The following FARS2 variants were observed in gnomAD, a reference collection of about 807,000 sequenced individuals.
FARS2 encodes phenylalanine--tRNA ligase, mitochondrial.
FARS2 carries 40 observed loss-of-function variants against 46.4 expected under a neutral mutation model. That is an observed-to-expected ratio of 0.86 (90% CI 0.67 to 1.12). The LOEUF (loss-of-function observed/expected upper bound fraction) is 1.12, where lower values mean the gene tolerates loss of function less well. Among genes scored for constraint, FARS2 ranks in the 50% most tolerant of loss-of-function variants. The probability of loss-of-function intolerance (pLI) is 0.00; values close to 1 mark genes in which losing one functional copy is unlikely to be tolerated. For missense variants in FARS2, 513 were observed against 567.9 expected, an observed-to-expected ratio of 0.90 and a Z score of 0.98; for synonymous variants, 234 against 214.9, an observed-to-expected ratio of 1.09 and a Z score of -0.78.
chr6:5,575,107 A>G, intron 5 of FARS2, among the ~76,000 whole-genome samples: 1 of 152,226 alleles, frequency 6.6e-6, no homozygotes, highest in Non-Finnish European at 1.5e-5. Context: ...GACACATCAC[A>G]GCCTTCTTGG....
intron 1 of FARS2, among the ~76,000 whole-genome samples, chr6:5,268,729 A>G (rs1581652023): frequency 6.6e-6 from 1 of 152,140 alleles, no homozygotes; most frequent in Non-Finnish European, 1.5e-5. Flanking sequence ...GTTTTTTCCA[A>G]TTCTGTGAAG....
chr6:5,752,924 G>A (rs1282568291), intron 6 of FARS2, among the ~76,000 whole-genome samples: 1 of 152,118 alleles, frequency 6.6e-6, no homozygotes, highest in East Asian at 1.9e-4. Context: ...GGACAGTGTG[G>A]TGTCCGGAGA....
intron 4 of FARS2, among the ~76,000 whole-genome samples, chr6:5,493,514 A>C (rs900008663): frequency 3.9e-5 from 6 of 152,176 alleles, no homozygotes; most frequent in Non-Finnish European, 8.8e-5. Context: ...GAGGAATGGA[A>C]AGTCAAAGTC....
At chr6:5,663,992 AC>A (rs1777979300) in intron 6 of FARS2, among the ~76,000 whole-genome samples, 1 of 152,202 alleles carries the variant, frequency 6.6e-6, no homozygotes, top group Non-Finnish European at 1.5e-5. Flanking sequence ...GGCTGTGTTC[AC>A]AGCTCAGATC....
chr6:5,458,018 C>T (rs1490629057), intron 4 of FARS2: 3 of 152,420 alleles, frequency 2.0e-5, no homozygotes, highest in African/African-American at 7.2e-5. Flanking sequence ...CATTGGATCG[C>T]TCTTGTGTGG....
In FARS2 at chr6:5,482,868, T is replaced by C. The variant is rs76238355; in HGVS notation, c.904+51696T>C. 5.6e-3 allele frequency among the ~76,000 whole-genome samples: 858 copies of C among 152,342 alleles called. 11 individuals are homozygous for C. Among genetic ancestry groups the C allele is most frequent in the African/African-American group, 0.02 (819 of 41,576 alleles). Reference sequence around the variant, plus strand: ...TGGGAAAATCGTGCATGTTCTCATTTGTAAAGAAGCCTGCCTTGGGTGTAC... The same window carrying C: ...TGGGAAAATCGTGCATGTTCTCATTCGTAAAGAAGCCTGCCTTGGGTGTAC... On this transcript the variant is annotated intron_variant, in intron 4 of 6. Coordinates refer to ENST00000274680, the MANE Select transcript of FARS2 (RefSeq NM_006567.5).
At chr6:5,725,414 G>C (rs1462433893) in intron 6 of FARS2, among the ~76,000 whole-genome samples, 1 of 152,214 alleles carries the variant, frequency 6.6e-6, no homozygotes, top group Non-Finnish European at 1.5e-5. Flanking sequence ...AGTTAGGTCT[G>C]AGTTTTGAGG....
At chr6:5,457,262 A>G (rs1264104350) in intron 4 of FARS2, among the ~76,000 whole-genome samples, 5 of 151,668 alleles carry the variant, frequency 3.3e-5, no homozygotes, top group South Asian at 2.1e-4. Context: ...TCCCACCCCT[A>G]TGGTCAGGGG....
At chr6:5,657,192 G>GA (rs1777643751) in intron 6 of FARS2, among the ~76,000 whole-genome samples, 1 of 151,886 alleles carries the variant, frequency 6.6e-6, no homozygotes. Context: ...TGTGTATTTA[G>GA]AAAAAATAAT....
At chr6:5,691,509 T>C (rs1211421658) in intron 6 of FARS2, among the ~76,000 whole-genome samples, 1 of 152,228 alleles carries the variant, frequency 6.6e-6, no homozygotes, top group Non-Finnish European at 1.5e-5. Context: ...CAGCGGATAC[T>C]GGTGAACAGC....
chr6:5,488,336 A>G (rs1392833682), intron 4 of FARS2, among the ~76,000 whole-genome samples: 1 of 152,224 alleles, frequency 6.6e-6, no homozygotes, highest in African/African-American at 2.4e-5. Context: ...CTGGTTCTAT[A>G]TATATGAAGT....
chr6:5,624,956 A>G (rs1176582907), intron 6 of FARS2, among the ~76,000 whole-genome samples: 1 of 152,066 alleles, frequency 6.6e-6, no homozygotes, highest in Non-Finnish European at 1.5e-5. Context: ...CAGAGCCAGC[A>G]TGGGAGTCTG....
At chr6:5,607,281 ATGTATGTGTGTGTGTGTGTGTGTGTG>A (rs1274933459) in intron 5 of FARS2, among the ~76,000 whole-genome samples, 15 of 147,502 alleles carry the variant, frequency 1.0e-4, no homozygotes, top group Admixed American at 4.7e-4. Context: ...AAAGAATAAT[ATGTATGTGTGTGTGTGTGTGTGTGTG>A]TGTGTGTGTG....
intron 6 of FARS2, among the ~76,000 whole-genome samples, chr6:5,621,620 T>C (rs1156323077): frequency 6.6e-6 from 1 of 152,150 alleles, no homozygotes; most frequent in Non-Finnish European, 1.5e-5. Flanking sequence ...GGAAACCGAA[T>C]AGCAAGCTGT....
intron 5 of FARS2, among the ~76,000 whole-genome samples, chr6:5,555,487 A>G (rs1771605804): frequency 6.6e-6 from 1 of 152,106 alleles, no homozygotes; most frequent in Non-Finnish European, 1.5e-5. Context: ...GAATTGTATT[A>G]GGCCTTGAGC....
chr6:5,431,203 G>C, intron 4 of FARS2, 31 bp downstream of exon 4: 1 of 1,610,568 alleles, frequency 6.2e-7, no homozygotes, highest in Non-Finnish European at 8.5e-7. Context: ...TTATTTACAC[G>C]TGCTCTAAAG....
At chr6:5,697,338 A>G (rs564309615) in intron 6 of FARS2, among the ~76,000 whole-genome samples, 1 of 152,370 alleles carries the variant, frequency 6.6e-6, no homozygotes, top group African/African-American at 2.4e-5. Context: ...TTGACAACGT[A>G]TAAGAGAATC....
chr6:5,317,203 T>C (rs1032622455), intron 1 of FARS2, among the ~76,000 whole-genome samples: 1 of 152,118 alleles, frequency 6.6e-6, no homozygotes, highest in African/African-American at 2.4e-5. Flanking sequence ...CAGATAAACA[T>C]AAAACCTCAC....
chr6:5,752,485 T>G (rs954907786), intron 6 of FARS2, among the ~76,000 whole-genome samples: 7 of 152,196 alleles, frequency 4.6e-5, no homozygotes. Flanking sequence ...TGTAGCTACT[T>G]ATTCAGAATG....
Sources: gnomAD v4.1 joint callset for allele counts (sites outside exome capture counted in the v4.1 genomes callset) on GRCh38, gnomAD v4.1.1 for gene constraint, MANE v1.5 for transcripts, NCBI Gene and HGNC (gene_info 2026-07-23, HGNC 2026-07-21) for gene names.